The following MYO1E variants were observed in gnomAD, a reference collection of about 807,000 sequenced individuals.
The protein encoded by MYO1E is unconventional myosin-Ie.
In MYO1E, 68 loss-of-function variants were observed where a neutral mutation model predicts 151.1. The ratio of observed to expected loss-of-function variants is 0.45; its 90% CI spans 0.37 to 0.55. The LOEUF (loss-of-function observed/expected upper bound fraction) is 0.55. Among genes scored for constraint, MYO1E ranks in the 20% least tolerant of loss-of-function variants. MYO1E has a pLI of 0.00. For synonymous variants in MYO1E, 601 were observed against 501.7 expected (o/e 1.20, Z -2.64); for missense variants, 1,363 against 1,389.3 (o/e 0.98, Z 0.30).
At chr15:59,310,872 C>T (rs1475259045) in intron 1 of MYO1E, among the ~76,000 whole-genome samples, 2 of 152,030 alleles carry the variant, frequency 1.3e-5, no homozygotes, top group African/African-American at 4.8e-5. Context: ...TTCTAAAGAA[C>T]AAATGTGATT....
intron 4 of MYO1E, among the ~76,000 whole-genome samples, chr15:59,246,786 T>C (rs1270644692): frequency 1.3e-5 from 2 of 152,206 alleles, no homozygotes; most frequent in Non-Finnish European, 2.9e-5. Context: ...ATACAGAAAC[T>C]GCCCAGGTAT....
chr15:59,298,839 C>T (rs1226260187), intron 1 of MYO1E, among the ~76,000 whole-genome samples: 5 of 152,236 alleles, frequency 3.3e-5, no homozygotes, highest in Admixed American at 6.5e-5. Context: ...TATGCCCAAC[C>T]TTTGATTCCC....
chr15:59,309,189 T>C (rs7183876), intron 1 of MYO1E, among the ~76,000 whole-genome samples: 151,683 of 152,344 alleles, frequency 1, 75,516 homozygotes, highest in Middle Eastern at 1. Context: ...AAAGGGATGA[T>C]TGTGTACTAT....
chr15:59,308,469 C>G (rs564822432), intron 1 of MYO1E, among the ~76,000 whole-genome samples: 3 of 151,770 alleles, frequency 2.0e-5, no homozygotes, highest in Non-Finnish European at 4.4e-5. Flanking sequence ...GTCAGCAGTT[C>G]GAAACCAGCC....
In MYO1E at chr15:59,208,745, A is replaced by G. The variant is rs141500916; in HGVS notation, c.1466T>C (p.Ile489Thr). Residue 489 changes from isoleucine to threonine, a missense_variant, in exon 14 of 28, where the codon ATT becomes ACT. Transcript: ENST00000288235. The part of the protein sequence containing the change: ...QTLLQKLQMQ[I>T]GSHEHFNSWN... Reference sequence around the variant, plus strand: ...ACTGTTGAAGTGCTCATGACTCCCAATCTGCATCTGAAGTTTCTGGAGCAG... The same window carrying G: ...ACTGTTGAAGTGCTCATGACTCCCAGTCTGCATCTGAAGTTTCTGGAGCAG... 111 of 1,614,070 alleles carry G rather than the reference A, an allele frequency of 6.9e-5. No homozygotes were observed. Among genetic ancestry groups the G allele is most frequent in the Admixed American group, 6.7e-5 (4 of 60,008 alleles).
intron 26 of MYO1E, among the ~76,000 whole-genome samples, chr15:59,142,939 AAAAG>A: frequency 6.6e-6 from 1 of 151,868 alleles, no homozygotes; most frequent in South Asian, 2.1e-4. Context: ...AAAAAAAAAA[AAAAG>A]GCGTCTAGAT....
chr15:59,188,006 T>C, intron 18 of MYO1E, 112 bp downstream of exon 18: 1 of 829,394 alleles, frequency 1.2e-6, no homozygotes, highest in Admixed American at 1.8e-5. Flanking sequence ...CACAACTCTG[T>C]GAATACGTTA....
chr15:59,246,505 T>G lies in MYO1E; in HGVS notation c.332+9779A>C, dbSNP rs540757584. ...CACACTTGCCCATTCCTTTATTTCT[T>G]TACAGGCTTACTGAAAGTCATACGT... On this transcript the variant is annotated intron_variant, in intron 4 of 27. Transcript: ENST00000288235. 3.3e-5 allele frequency among the ~76,000 whole-genome samples: 5 copies of G among 152,344 alleles called. No individual in the cohort carries two copies. In the South Asian group the frequency reaches 1.0e-3, roughly 32 times the overall value.
At position 59,183,291 on chromosome 15, in the gene MYO1E, T is replaced by C. The variant is rs183590036; in HGVS notation, c.1905-4754A>G. 2.6e-4 allele frequency among the ~76,000 whole-genome samples: 40 copies of C among 152,184 alleles called. No homozygotes were observed. In the East Asian group the frequency reaches 6.6e-3, roughly 25 times the overall value. On this transcript the variant is annotated intron_variant, in intron 18 of 27. Coordinates refer to ENST00000288235, the MANE Select transcript of MYO1E (RefSeq NM_004998.4). ...TAGAAGGAAGGAGGTCTTTCAGAAC[T>C]GGTTTCTCAAAAAACAAACAAAAAA... is the stretch of plus-strand genomic sequence containing the variant.
At chr15:59,191,458 T>C (rs563115741) in intron 17 of MYO1E, among the ~76,000 whole-genome samples, 2 of 152,246 alleles carry the variant, frequency 1.3e-5, no homozygotes, top group East Asian at 3.9e-4. Flanking sequence ...AACTCGCCAC[T>C]GGCCTTTTCT....
rs2079354612 is a variant in MYO1E at position 59,133,236 on chromosome 15, G to A, written c.*4144C>T. The A allele has an allele frequency of 6.6e-6, 1 of 152,266 alleles. No individual in the cohort carries two copies. Among genetic ancestry groups the A allele is most frequent in the South Asian group, 2.1e-4 (1 of 4,834 alleles). 9.4% of individuals were successfully genotyped at this position (152,266 alleles called of 1,614,324 possible). On this transcript the variant is annotated 3_prime_UTR_variant, in exon 28 of 28. Coordinates refer to ENST00000288235, the MANE Select transcript of MYO1E (RefSeq NM_004998.4). Reference sequence around the variant, plus strand: ...CTGTACAAATAATTAGCCGAATGTGGTGGCACATGCTTGTGGTCCCAGCTA... The same window carrying A: ...CTGTACAAATAATTAGCCGAATGTGATGGCACATGCTTGTGGTCCCAGCTA...
chr15:59,347,329 C>T (rs2080800101), intron 1 of MYO1E, among the ~76,000 whole-genome samples: 1 of 152,194 alleles, frequency 6.6e-6, no homozygotes, highest in South Asian at 2.1e-4. Context: ...TCTCCCAAAA[C>T]CATCCCCACT....
intron 1 of MYO1E, among the ~76,000 whole-genome samples, chr15:59,357,972 G>A (rs1409750328): frequency 6.6e-6 from 1 of 152,176 alleles, no homozygotes; most frequent in Non-Finnish European, 1.5e-5. Flanking sequence ...CACAGGACTT[G>A]GCAAGTGGTA....
chr15:59,153,634 T>C lies in MYO1E; in HGVS notation c.3036A>G (p.Pro1012=). The change falls in exon 26 of 28, where the codon CCA becomes CCG. Residue 1012 remains proline (P), a synonymous_variant. Coordinates refer to ENST00000288235, the MANE Select transcript of MYO1E (RefSeq NM_004998.4). ...GGACCTTGAGGAAATCCAGGCTCTCTGGCGTCTGTGACACTCGGTCTGAAC... is the reference window on the plus strand; with the variant it reads ...GGACCTTGAGGAAATCCAGGCTCTCCGGCGTCTGTGACACTCGGTCTGAAC... ...STSSDRVSQT[P]ESLDFLKVPD... 1 of 1,614,174 alleles carries C rather than the reference T, an allele frequency of 6.2e-7. No homozygotes were observed. The highest frequency in any genetic ancestry group is 8.5e-7 in the Non-Finnish European group (1 of 1,180,028).
intron 1 of MYO1E, among the ~76,000 whole-genome samples, chr15:59,277,549 A>AC (rs1491400913): frequency 1.2e-4 from 9 of 73,342 alleles, no homozygotes; most frequent in Admixed American, 4.5e-4. Context: ...ATCCCCCCAC[A>AC]AAAAAAAAAA....
intron 18 of MYO1E, among the ~76,000 whole-genome samples, chr15:59,179,010 G>C (rs981684127): frequency 6.6e-6 from 1 of 152,166 alleles, no homozygotes; most frequent in African/African-American, 2.4e-5. Context: ...TGTGCATCTG[G>C]GTCACGAGGC....
At chr15:59,184,366 C>CT (rs112632179) in intron 18 of MYO1E, among the ~76,000 whole-genome samples, 2,822 of 151,536 alleles carry the variant, frequency 0.019, 99 homozygotes, top group African/African-American at 0.064. Flanking sequence ...AACACATTTT[C>CT]TTTTTTTTGA....
At chr15:59,223,845 G>C (rs2079971181) in intron 8 of MYO1E, among the ~76,000 whole-genome samples, 1 of 152,190 alleles carries the variant, frequency 6.6e-6, no homozygotes, top group Non-Finnish European at 1.5e-5. Flanking sequence ...TCTAGGACCA[G>C]TGTGCAGACT....
intron 18 of MYO1E, among the ~76,000 whole-genome samples, chr15:59,185,860 G>A (rs1403679509): frequency 6.6e-6 from 1 of 152,226 alleles, no homozygotes; most frequent in African/African-American, 2.4e-5. Context: ...CATCTAGTGG[G>A]TGGAGGCCAA....
Sources: allele counts gnomAD v4.1 joint callset (sites outside exome capture counted in the v4.1 genomes callset), GRCh38; gene constraint gnomAD v4.1.1; transcripts MANE v1.5; gene names NCBI Gene and HGNC (gene_info 2026-07-23, HGNC 2026-07-21).